LYZL4: variants seen among roughly 807,000 people sequenced by gnomAD.
The protein encoded by LYZL4 is lysozyme like 4, also known as lysozyme-like protein 4.
Under a neutral mutation model 17.6 loss-of-function variants are expected in LYZL4, and 13 were observed. The ratio of observed to expected loss-of-function variants is 0.74; its 90% confidence interval spans 0.48 to 1.18. The LOEUF (loss-of-function observed/expected upper bound fraction) is 1.18. Among genes scored for constraint, LYZL4 ranks in the 50% most tolerant of loss-of-function variants. The probability of loss-of-function intolerance (pLI) is 0.00; values close to 1 mark genes in which losing one functional copy is unlikely to be tolerated. For synonymous variants in LYZL4, 64 were observed against 67.7 expected, an observed-to-expected ratio of 0.95 and a Z score of 0.27; for missense variants, 174 against 188.2, an observed-to-expected ratio of 0.92 and a Z score of 0.44.
chr3:42,392,306 C>T (rs1698491050), downstream of LYZL4, among the ~76,000 whole-genome samples: 1 of 152,126 alleles, frequency 6.6e-6, no homozygotes, highest in Non-Finnish European at 1.5e-5. Flanking sequence ...GGGGATGGGG[C>T]TGCAGATGGT....
the LYZL4 span, among the ~76,000 whole-genome samples, chr3:42,391,444 A>C: frequency 4.6e-5 from 7 of 152,324 alleles, no homozygotes; most frequent in East Asian, 1.3e-3. Context: ...GAGGGGAGAC[A>C]CCAGGAATAT....
At chr3:42,376,659 G>T in the LYZL4 span, among the ~76,000 whole-genome samples, 7 of 152,190 alleles carry the variant, frequency 4.6e-5, no homozygotes, top group Non-Finnish European at 8.8e-5. Context: ...TCTGGCGGGG[G>T]CGGATCTCTC....
At chr3:42,366,269 C>A in the LYZL4 span, among the ~76,000 whole-genome samples, 2 of 152,130 alleles carry the variant, frequency 1.3e-5, no homozygotes, top group Non-Finnish European at 2.9e-5. Context: ...AAACTTTGAC[C>A]TGATCTTTTC....
chr3:42,407,153 A>G lies in LYZL4; in HGVS notation c.99T>C (p.Asp33=). Residue 33 remains aspartate (D), a synonymous_variant, in exon 2 of 5, where the codon GAT becomes GAC. Transcript: ENST00000287748. ...AGCCCTCAAAATAATCCAGGCCTCC[A>G]TCGTGGAGTTTCTTAGCCACTGTGC... ...GRCTVAKKLH[D]GGLDYFEGYS... 1 of 1,614,198 alleles carries G rather than the reference A, an allele frequency of 6.2e-7. No individual in the cohort carries two copies. Among genetic ancestry groups the G allele is most frequent in the South Asian group, 1.1e-5 (1 of 91,074 alleles).
At position 42,407,352 on chromosome 3, in the gene LYZL4, G is replaced by T. The variant is rs749233530; in HGVS notation, c.-92-9C>A. ...GAAGGGAAAGAAGGGCACTGTGGGGGTGGGGGTGGAGCACAGTTCAGTGTC... is the reference window on the plus strand; with the variant it reads ...GAAGGGAAAGAAGGGCACTGTGGGGTTGGGGGTGGAGCACAGTTCAGTGTC... On this transcript the variant is annotated splice_polypyrimidine_tract_variant and intron_variant, in intron 1 of 4. Coordinates refer to ENST00000287748, the MANE Select transcript of LYZL4 (RefSeq NM_144634.4). 6 of 1,516,662 alleles carry T rather than the reference G, an allele frequency of 4.0e-6. No homozygotes were observed. Among genetic ancestry groups the T allele is most frequent in the African/African-American group, 2.8e-5 (2 of 72,584 alleles). 94.0% of individuals were successfully genotyped at this position (1,516,662 alleles called of 1,614,324 possible).
At chr3:42,362,783 G>C in the LYZL4 span, among the ~76,000 whole-genome samples, 1 of 152,168 alleles carries the variant, frequency 6.6e-6, no homozygotes, top group African/African-American at 2.4e-5. Flanking sequence ...AAGGCTGATG[G>C]AGAATACATA....
the LYZL4 span, among the ~76,000 whole-genome samples, chr3:42,384,782 GGT>G: frequency 4.6e-5 from 7 of 151,156 alleles, no homozygotes; most frequent in Admixed American, 6.6e-5. Flanking sequence ...GGAAGGATGG[GGT>G]GTGTGTGTGT....
the LYZL4 span, among the ~76,000 whole-genome samples, chr3:42,367,590 C>A: frequency 6.6e-6 from 1 of 152,004 alleles, no homozygotes; most frequent in Non-Finnish European, 1.5e-5. Flanking sequence ...GCAATGGGAG[C>A]CATGGCAAAG....
In LYZL4 at chr3:42,406,880, G is replaced by T. The variant is rs751725380; in HGVS notation, c.258C>A (p.Asp86Glu). The change falls in exon 3 of 5, where the codon GAC (aspartate) becomes GAA (glutamate). Residue 86 changes from aspartate (D) to glutamate (E), a missense_variant. Transcript: ENST00000287748. ...FQMRGSDWCG[D>E]HGRNRCHMSC... ...ACATATGGCAGCGGTTCCTGCCATG[G>T]TCGCCACACCAGTCACTGCCACGCA... is the stretch of plus-strand genomic sequence containing the variant. 15 of 1,614,110 alleles carry T rather than the reference G, an allele frequency of 9.3e-6. No homozygotes were observed. In the African/African-American group the frequency reaches 1.9e-4, roughly 20 times the overall value.
chr3:42,373,699 T>C, the LYZL4 span, among the ~76,000 whole-genome samples: 1 of 152,156 alleles, frequency 6.6e-6, no homozygotes, highest in African/African-American at 2.4e-5. Flanking sequence ...TAAGAAGCCC[T>C]GTGCATCAGA....
downstream of LYZL4, among the ~76,000 whole-genome samples, chr3:42,393,189 T>C (rs1345348954): frequency 6.6e-6 from 1 of 152,016 alleles, no homozygotes; most frequent in Non-Finnish European, 1.5e-5. Flanking sequence ...TGTGCAGGGT[T>C]TGAAATACAA....
the LYZL4 span, among the ~76,000 whole-genome samples, chr3:42,381,299 T>C: frequency 1.4e-4 from 15 of 106,312 alleles, no homozygotes; most frequent in South Asian, 7.6e-3. Flanking sequence ...AAGACCTGCA[T>C]GAAATTTTGA....
At chr3:42,361,562 T>C in the LYZL4 span, among the ~76,000 whole-genome samples, 3 of 146,078 alleles carry the variant, frequency 2.1e-5, no homozygotes, top group African/African-American at 5.5e-5. Context: ...CCCCATCTCT[T>C]AAAAAAATTT....
At chr3:42,393,261 T>C (rs113164709), downstream of LYZL4, among the ~76,000 whole-genome samples, 7 of 152,210 alleles carry the variant, frequency 4.6e-5, no homozygotes, top group African/African-American at 1.4e-4. Context: ...GTGCATGAGA[T>C]GCAATCTTCT....
the LYZL4 span, among the ~76,000 whole-genome samples, chr3:42,391,859 T>G: frequency 1.3e-5 from 2 of 151,752 alleles, no homozygotes; most frequent in Non-Finnish European, 2.9e-5. Context: ...AGTGATAGTA[T>G]ATTATCACTT....
the LYZL4 span, among the ~76,000 whole-genome samples, chr3:42,368,026 G>C: frequency 6.6e-6 from 1 of 152,274 alleles, no homozygotes; most frequent in African/African-American, 2.4e-5. Context: ...TTGCTAGATG[G>C]GGAAACGGAG....
the LYZL4 span, among the ~76,000 whole-genome samples, chr3:42,384,207 A>G: frequency 1.2e-4 from 19 of 152,142 alleles, no homozygotes; most frequent in Non-Finnish European, 1.5e-5. Flanking sequence ...TCTGCACCCA[A>G]CCGAAGTATC....
the LYZL4 span, among the ~76,000 whole-genome samples, chr3:42,391,523 A>C: frequency 6.6e-6 from 1 of 152,188 alleles, no homozygotes; most frequent in Non-Finnish European, 1.5e-5. Flanking sequence ...AATGCTGCTG[A>C]GGGCTAAGAT....
the LYZL4 span, among the ~76,000 whole-genome samples, chr3:42,386,783 A>G: frequency 6.6e-6 from 1 of 152,150 alleles, no homozygotes; most frequent in East Asian, 1.9e-4. Flanking sequence ...TATTTCTCAG[A>G]GACATGTATT....
Sources: gnomAD v4.1 joint callset for allele counts (sites outside exome capture counted in the v4.1 genomes callset) on GRCh38, gnomAD v4.1.1 for gene constraint, MANE v1.5 for transcripts, NCBI Gene and HGNC (gene_info 2026-07-23, HGNC 2026-07-21) for gene names.